Variants in DOCK7 observed in about 807,000 individuals in gnomAD.
DOCK7 encodes the protein dedicator of cytokinesis protein 7.
In DOCK7, 138 loss-of-function variants were observed where a neutral mutation model predicts 271.0. The observed-to-expected ratio is 0.51, with a 90% CI of 0.44 to 0.59. The LOEUF (loss-of-function observed/expected upper bound fraction) is 0.59, where lower values mean the gene tolerates loss of function less well. Among genes scored for constraint, DOCK7 ranks in the 20% least tolerant of loss-of-function variants. The pLI is 0.00. For missense variants in DOCK7, 2,066 were observed against 2,592.4 expected (o/e 0.80, Z 4.41); for synonymous variants, 823 against 876.1 (o/e 0.94, Z 1.07).
chr1:62,609,276 T>A (rs1651439569), intron 14 of DOCK7: 1 of 152,180 alleles, frequency 6.6e-6, no homozygotes, highest in African/African-American at 2.4e-5. Context: ...AACTTAAGAA[T>A]TCTATCTAAA....
At chr1:62,498,571 T>C (rs1646688181) in intron 37 of DOCK7, among the ~76,000 whole-genome samples, 1 of 151,740 alleles carries the variant, frequency 6.6e-6, no homozygotes, top group Non-Finnish European at 1.5e-5. Flanking sequence ...CCATCTGAAC[T>C]AGATTCATCT....
chr1:62,643,365 T>C (rs1411442034), intron 7 of DOCK7, among the ~76,000 whole-genome samples: 1 of 152,234 alleles, frequency 6.6e-6, no homozygotes, highest in Non-Finnish European at 1.5e-5. Flanking sequence ...TTCAAGAATG[T>C]GTTTGTTGAA....
chr1:62,497,952 A>G (rs1646669591), intron 37 of DOCK7, among the ~76,000 whole-genome samples: 1 of 151,970 alleles, frequency 6.6e-6, no homozygotes, highest in Admixed American at 6.6e-5. Flanking sequence ...AGCCATAACC[A>G]TCAAAAAGTG....
chr1:62,653,316 CA>C (rs1219604430), intron 4 of DOCK7, among the ~76,000 whole-genome samples: 4 of 152,142 alleles, frequency 2.6e-5, no homozygotes, highest in Non-Finnish European at 4.4e-5. Context: ...TTAGAAACAG[CA>C]GAGACCTTTC....
At chr1:62,488,766 T>A in intron 42 of DOCK7, 168 bp downstream of exon 42, 1 of 836,198 alleles carries the variant, frequency 1.2e-6, no homozygotes, top group Non-Finnish European at 2.0e-6. Context: ...TTCATTTTTA[T>A]TGTTAATGAG....
intron 31 of DOCK7, 109 bp from the exon 32 acceptor site, chr1:62,514,007 A>G (rs899627098): frequency 3.1e-6 from 3 of 968,016 alleles, no homozygotes; most frequent in South Asian, 3.7e-5. Context: ...TTGCTTAAAA[A>G]TAATATAATT....
chr1:62,527,153 G>A lies in DOCK7; in HGVS notation c.3936+998C>T, dbSNP rs185429585. ...AAAAAAATGTCATTTAAAACTTTTA[G>A]AACTTGATCTTGCTCTATTGGCAAT... On this transcript the variant is annotated intron_variant, in intron 31 of 49. Coordinates refer to ENST00000635253, the MANE Select transcript of DOCK7 (RefSeq NM_001367561.1). Among the ~76,000 whole-genome samples the A allele has an allele frequency of 2.4e-3, 365 of 152,126 alleles. 2 individuals carry two copies. The highest frequency in any genetic ancestry group is 8.3e-3 in the African/African-American group (343 of 41,494).
chr1:62,548,229 C>CA (rs549487804), intron 22 of DOCK7, among the ~76,000 whole-genome samples: 1 of 148,926 alleles, frequency 6.7e-6, no homozygotes, highest in Non-Finnish European at 1.5e-5. Context: ...AAAAAAAAGA[C>CA]AAAAAACAGA....
chr1:62,680,342 A>G (rs1195933197), intron 1 of DOCK7, among the ~76,000 whole-genome samples: 1 of 152,208 alleles, frequency 6.6e-6, no homozygotes, highest in Non-Finnish European at 1.5e-5. Flanking sequence ...CATATGTAGA[A>G]AGCTGAAACT....
At chr1:62,559,568 A>G (rs1292995801) in intron 19 of DOCK7, among the ~76,000 whole-genome samples, 2 of 152,100 alleles carry the variant, frequency 1.3e-5, no homozygotes, top group East Asian at 3.9e-4. Flanking sequence ...GCCTTTGGAT[A>G]TAAGGCAAAC....
intron 37 of DOCK7, among the ~76,000 whole-genome samples, chr1:62,498,193 C>T (rs1488766309): frequency 1.3e-5 from 2 of 151,992 alleles, no homozygotes; most frequent in African/African-American, 2.4e-5. Context: ...TGCCACTGCT[C>T]TTTAGTCTGG....
chr1:62,648,028 G>A, intron 6 of DOCK7, 78 bp downstream of exon 6: 1 of 1,355,852 alleles, frequency 7.4e-7, no homozygotes, highest in Admixed American at 1.8e-5. Context: ...TCTACATTTT[G>A]TAATACTATA....
chr1:62,559,167 C>T lies in DOCK7; in HGVS notation c.2253G>A (p.Leu751=). 2 of 1,613,750 alleles carry T rather than the reference C, an allele frequency of 1.2e-6. No homozygotes were observed. The highest frequency in any genetic ancestry group is 1.7e-6 in the Non-Finnish European group (2 of 1,179,850). ...GCATGTCCCCAATTCGGACTGGGAA[C>T]AGGTGTTCATCCAGAGCATTGACCA... ...FALVNALDEH[L]FPVRIGDMRI... The change falls in exon 20 of 50, where the codon CTG becomes CTA. Residue 751 remains leucine (L), a synonymous_variant. Coordinates refer to ENST00000635253, the MANE Select transcript of DOCK7 (RefSeq NM_001367561.1).
At chr1:62,504,881 G>A (rs1170641013) in intron 36 of DOCK7, 99 bp from the exon 37 acceptor site, 1 of 1,338,036 alleles carries the variant, frequency 7.5e-7, no homozygotes, top group South Asian at 1.5e-5. Context: ...GTATAGCCCA[G>A]AAATTAAAAG....
At chr1:62,507,930 G>T (rs752147665) in intron 35 of DOCK7, 32 bp downstream of exon 35, 1 of 1,589,370 alleles carries the variant, frequency 6.3e-7, no homozygotes, top group East Asian at 2.3e-5. Context: ...TACCAAATCC[G>T]TATTTTAAAT....
chr1:62,663,065 T>C lies in DOCK7; in HGVS notation c.104A>G (p.Lys35Arg). 6.2e-7 allele frequency: 1 copy of C among 1,614,072 alleles called. No individual in the cohort carries two copies. The highest frequency in any genetic ancestry group is 1.1e-5 in the South Asian group (1 of 91,072). ...TATATTGCCAACAATATTAAGGTTT[T>C]TGAGCAGTTGGGGAGAACCACTATA... ...GQYSGSPQLL[K>R]NLNIVGNISH... is the part of the protein sequence containing the mutation. Residue 35 changes from lysine to arginine, a missense_variant, in exon 2 of 50, where the codon AAA becomes AGA. Around this residue, in one of 2 missense-constraint regions of DOCK7, gnomAD observed 1,414 missense variants for 1,670.4 expected, o/e 0.85. Transcript: ENST00000635253.
chr1:62,669,107 C>G (rs1340003822), intron 1 of DOCK7, among the ~76,000 whole-genome samples: 1 of 152,142 alleles, frequency 6.6e-6, no homozygotes, highest in Non-Finnish European at 1.5e-5. Context: ...TTTGGACACT[C>G]CTCCCTATAC....
At chr1:62,571,612 T>C (rs755295495) in intron 18 of DOCK7, among the ~76,000 whole-genome samples, 22 of 152,188 alleles carry the variant, frequency 1.4e-4, no homozygotes, top group Non-Finnish European at 1.9e-4. Context: ...TGTATGTTCA[T>C]TGCAGCACTA....
chr1:62,530,005 C>T (rs1645126785), intron 29 of DOCK7, among the ~76,000 whole-genome samples: 2 of 152,316 alleles, frequency 1.3e-5, no homozygotes, highest in South Asian at 4.1e-4. Context: ...CAATCCCCCT[C>T]AGTTTCAAAT....
Sources: gnomAD v4.1 joint callset for allele counts (sites outside exome capture counted in the v4.1 genomes callset) on GRCh38, gnomAD v4.1.1 for gene constraint, gnomAD v4.1.1 regional missense constraint, MANE v1.5 for transcripts, NCBI Gene and HGNC (gene_info 2026-07-23, HGNC 2026-07-21) for gene names.